The following SPOCK2 variants were observed in gnomAD, a reference collection of about 807,000 sequenced individuals.
SPOCK2 encodes SPARC (osteonectin), cwcv and kazal like domains proteoglycan 2.
In SPOCK2, 39 loss-of-function variants were observed where a neutral mutation model predicts 60.1. That is an observed-to-expected ratio of 0.65 (90% CI 0.50 to 0.85). SPOCK2 has a LOEUF of 0.85. Among genes scored for constraint, SPOCK2 ranks in the 40% least tolerant of loss-of-function variants. The pLI, the probability that SPOCK2 is intolerant of heterozygous loss-of-function variation, is 0.00. For missense variants in SPOCK2, 523 were observed against 567.4 expected, an observed-to-expected ratio of 0.92 and a Z score of 0.80; for synonymous variants, 217 against 231.5, an observed-to-expected ratio of 0.94 and a Z score of 0.57.
Position 72,062,877 on chromosome 10 carries a change from A to C in SPOCK2, c.1158T>G (p.Phe386Leu), listed in dbSNP as rs1840513231. Residue 386 changes from phenylalanine (F) to leucine (L), a missense_variant, in exon 11 of 11, where the codon TTT becomes TTG. Phe to Leu is a conservative substitution (Grantham distance 22). Transcript: ENST00000373109. The surrounding 1 kb of genome is among the most constrained non-coding windows in gnomAD (Gnocchi z 4.3). ...CATCCTCCCAGCCGACACCGCTTCC[A>C]AAGTCCCCCGAGAAGCCCACGATGT... ...CDDIVGFSGDFGSGVGWEDEE... is the reference protein window; with the variant it reads ...CDDIVGFSGDLGSGVGWEDEE... 2.5e-6 allele frequency: 4 copies of C among 1,600,526 alleles called. No individual in the cohort carries two copies. The highest frequency in any genetic ancestry group is 3.4e-6 in the Non-Finnish European group (4 of 1,175,438).
intron 1 of SPOCK2, among the ~76,000 whole-genome samples, chr10:72,076,268 GGT>G (rs1291476804): frequency 6.6e-6 from 1 of 152,198 alleles, no homozygotes; most frequent in Admixed American, 6.5e-5. Flanking sequence ...CCTGAGGCCA[GGT>G]GTGGGCTGGC....
Position 72,065,758 on chromosome 10 carries a change from G to C in SPOCK2, c.928+1144C>G, listed in dbSNP as rs187611833. On this transcript the variant is annotated intron_variant, in intron 8 of 10. Transcript: ENST00000373109. ...AGTGATGCTGGTCGCAGGAGGGCTG[G>C]GCAGTCAGAGTGGTGAAACAGATCA... is the stretch of plus-strand genomic sequence containing the variant. Among the ~76,000 whole-genome samples, 418 of 152,336 alleles carry C rather than the reference G, an allele frequency of 2.7e-3. 1 individual carries two copies. Among genetic ancestry groups the C allele is most frequent in the Non-Finnish European group, 4.7e-3 (317 of 68,028 alleles).
At position 72,061,957 on chromosome 10, in the gene SPOCK2, TG is replaced by T. The variant is rs1840496926; in HGVS notation, c.*802del. On this transcript the variant is annotated 3_prime_UTR_variant, in exon 11 of 11. Transcript: ENST00000373109. ...TTCTACCTGCACCACCTGGGCCACC[TG>T]GGACAGACCTCAGACAGCTTGGCGA... 1 of 153,328 alleles carries T rather than the reference TG, an allele frequency of 6.5e-6. No homozygotes were observed. The highest frequency in any genetic ancestry group is 2.4e-5 in the African/African-American group (1 of 41,476). 9.5% of individuals were successfully genotyped at this position (153,328 alleles called of 1,614,324 possible). A position where few individuals can be genotyped will look rare whatever the true frequency, so the allele number is the denominator to read the frequency against.
intron 6 of SPOCK2, among the ~76,000 whole-genome samples, 188 bp downstream of exon 6, chr10:72,067,999 C>T (rs896309727): frequency 6.6e-6 from 1 of 152,114 alleles, no homozygotes; most frequent in Non-Finnish European, 1.5e-5. Context: ...AGGGGAGAAA[C>T]GAGGGCTGAG....
At position 72,072,202 on chromosome 10, in the gene SPOCK2, A is replaced by G; in HGVS notation, c.301T>C (p.Cys101Arg). 1 of 1,562,182 alleles carries G rather than the reference A, an allele frequency of 6.4e-7. No individual in the cohort carries two copies. The highest frequency in any genetic ancestry group is 8.7e-7 in the Non-Finnish European group (1 of 1,153,338). ...GCCCGCTGGTAGCCCTGGGCAATGC[A>G]CACCTTGTGGCGGCTGCACTTCACC... is the stretch of plus-strand genomic sequence containing the variant. ...QKVKCSRHKV[C>R]IAQGYQRAMC... The change falls in exon 4 of 11, where the codon TGC becomes CGC. Residue 101 changes from cysteine to arginine, a missense_variant. Coordinates refer to ENST00000373109, the MANE Select transcript of SPOCK2 (RefSeq NM_001244950.2).
At chr10:72,073,027 G>T (rs1840670380) in intron 1 of SPOCK2, 117 bp from the exon 2 acceptor site, 4 of 1,438,104 alleles carry the variant, frequency 2.8e-6, no homozygotes, top group Non-Finnish European at 3.8e-6. Flanking sequence ...GCCTCATCAT[G>T]TGGCCGAGCA....
At chr10:72,072,015 T>A (rs1174757011) in intron 4 of SPOCK2, 129 bp downstream of exon 4, 1 of 669,744 alleles carries the variant, frequency 1.5e-6, no homozygotes, top group Admixed American at 3.7e-5. Context: ...ACATATTTGC[T>A]GTTTTAAGCA....
rs1397869052 is a variant in SPOCK2, at chr10:72,066,993, C to T, written c.837G>A (p.Glu279=). Residue 279 remains glutamate, a synonymous_variant, in exon 8 of 11, where the codon GAG becomes GAA. Coordinates refer to ENST00000373109, the MANE Select transcript of SPOCK2 (RefSeq NM_001244950.2). The part of the protein sequence containing the change: ...ELAAINLDKY[E]VCIRPFFNSC... Reference sequence around the variant, plus strand: ...AGTTGAAGAAGGGACGGATGCAGACCTCGTACTTGTCCAGGTTGATGGCGG... The same window carrying T: ...AGTTGAAGAAGGGACGGATGCAGACTTCGTACTTGTCCAGGTTGATGGCGG... The T allele has an allele frequency of 1.9e-5, 31 of 1,614,070 alleles. No homozygotes were observed. Among genetic ancestry groups the T allele is most frequent in the Non-Finnish European group, 2.0e-5 (24 of 1,180,040 alleles).
Position 72,088,307 on chromosome 10 carries a change from G to T in SPOCK2, c.22C>A (p.Arg8=), listed in dbSNP as rs748167545. ...AGGAGCAGCAGCGGCAGCACCAGCC[G>T]CCCGCAGCCCGGGGCGCGCATCGTG... The part of the protein sequence containing the change: MRAPGCG[R]LVLPLLLLAA... Residue 8 remains arginine (R), a synonymous_variant, in exon 1 of 11, where the codon CGG becomes AGG. Coordinates refer to ENST00000373109, the MANE Select transcript of SPOCK2 (RefSeq NM_001244950.2). 6.3e-7 allele frequency: 1 copy of T among 1,586,996 alleles called. No individual in the cohort carries two copies. Among genetic ancestry groups the T allele is most frequent in the Non-Finnish European group, 8.6e-7 (1 of 1,168,972 alleles).
rs1301331163 is a variant in SPOCK2 at position 72,072,895 on chromosome 10, T to C, written c.198+7A>G. On this transcript the variant is annotated splice_region_variant and intron_variant, in intron 2 of 10. Transcript: ENST00000373109. ...CCACACAGAGTGGGGTCCTGGGCAG[T>C]ACTCACCTCCACTTCCTGGAGATCA... 7.7e-6 allele frequency: 12 copies of C among 1,554,452 alleles called. No homozygotes were observed. Among genetic ancestry groups the C allele is most frequent in the Non-Finnish European group, 1.0e-5 (12 of 1,148,616 alleles).
chr10:72,063,730 A>G (rs1239199878), intron 9 of SPOCK2, among the ~76,000 whole-genome samples: 1 of 152,306 alleles, frequency 6.6e-6, no homozygotes, highest in East Asian at 1.9e-4. Flanking sequence ...TTATGAGGCC[A>G]GGGAGTGCAT....
rs1840654671 is a variant in SPOCK2 at position 72,072,140 on chromosome 10, T to A, written c.359+4A>T. On this transcript the variant is annotated splice_donor_region_variant and intron_variant, in intron 4 of 10. Coordinates refer to ENST00000373109, the MANE Select transcript of SPOCK2 (RefSeq NM_001244950.2). ...CAGGGCTCCCACCTCCCCAAACCTC[T>A]CACCTGTGCTCCAGCTTCTTGCGAC... 6.7e-7 allele frequency: 1 copy of A among 1,500,452 alleles called. No homozygotes were observed. The highest frequency in any genetic ancestry group is 2.4e-5 in the Admixed American group (1 of 42,404). 92.9% of individuals were successfully genotyped at this position (1,500,452 alleles called of 1,614,324 possible).
Position 72,062,784 on chromosome 10 carries a change from AGCCTCGCCT to A in SPOCK2, c.1242_1250del (p.Gly415_Ala417del). The A allele has an allele frequency of 6.2e-7, 1 of 1,607,678 alleles. No individual in the cohort carries two copies. Reference sequence around the variant, plus strand: ...TCTACCAGATGTAGCCCCCGTCGTCAGCCTCGCCTGCCTCGCCCTCCTCCTCCTCGGCCT... The same window carrying A: ...TCTACCAGATGTAGCCCCCGTCGTCAGCCTCGCCCTCCTCCTCCTCGGCCT... On this transcript the variant is annotated inframe_deletion, in exon 11 of 11. Transcript: ENST00000373109. This position sits in a 1 kb window ranked among gnomAD's most constrained non-coding sequence, Gnocchi z 4.3.
intron 1 of SPOCK2, 79 bp downstream of exon 1, chr10:72,088,061 G>T: frequency 6.5e-7 from 1 of 1,542,366 alleles, no homozygotes; most frequent in African/African-American, 1.4e-5. Context: ...GACGTGCGGC[G>T]GCCGCTCCCG....
rs886313011 is a variant in SPOCK2 at position 72,062,687 on chromosome 10, G to A, written c.*73C>T. ...TCCTTCTGACTGCATTTCTGGATCC[G>A]TTCTCGAAGTTGCCTGCTGCTGCTC... On this transcript the variant is annotated 3_prime_UTR_variant, in exon 11 of 11. Coordinates refer to ENST00000373109, the MANE Select transcript of SPOCK2 (RefSeq NM_001244950.2). This position sits in a 1 kb window ranked among gnomAD's most constrained non-coding sequence, Gnocchi z 4.3. The A allele has an allele frequency of 3.1e-5, 47 of 1,535,816 alleles. No homozygotes were observed. Among genetic ancestry groups the A allele is most frequent in the East Asian group, 1.1e-4 (5 of 44,334 alleles).
chr10:72,065,028 C>CTATGTTTAGATGCACAAATG, intron 8 of SPOCK2, among the ~76,000 whole-genome samples: 1 of 113,306 alleles, frequency 8.8e-6, no homozygotes, highest in Non-Finnish European at 2.1e-5. Context: ...CCGCGCCCAG[C>CTATGTTTAGATGCACAAATG]CTTATTTTAT....
At chr10:72,069,840 A>G (rs1046353963) in intron 5 of SPOCK2, among the ~76,000 whole-genome samples, 2 of 152,088 alleles carry the variant, frequency 1.3e-5, no homozygotes, top group East Asian at 1.9e-4. Context: ...CATTCTCCCA[A>G]TCGGTTCCTT....
rs779124545 is a variant in SPOCK2, at chr10:72,064,178, C to G, written c.991G>C (p.Gly331Arg). 1 of 1,612,284 alleles carries G rather than the reference C, an allele frequency of 6.2e-7. No individual in the cohort carries two copies. Among genetic ancestry groups the G allele is most frequent in the Admixed American group, 1.7e-5 (1 of 59,890 alleles). Residue 331 changes from glycine to arginine, a missense_variant and splice_region_variant, in exon 9 of 11, where the codon GGC (glycine) becomes CGC (arginine). Physicochemically the swap from Gly to Arg is moderately radical, Grantham distance 125. Coordinates refer to ENST00000373109, the MANE Select transcript of SPOCK2 (RefSeq NM_001244950.2). ...QIQEAAKKKP[G>R]IFIPSCDEDG... The stretch of plus-strand genomic sequence containing the variant: ...CTGAGAGCCTGGTCTGGCCCCTCAC[C>G]TGGCTTCTTCTTGGCGGCCTCCTGG...
At chr10:72,073,488 G>A (rs1840676098) in intron 1 of SPOCK2, among the ~76,000 whole-genome samples, 1 of 152,202 alleles carries the variant, frequency 6.6e-6, no homozygotes, top group African/African-American at 2.4e-5. Flanking sequence ...TGCCTGTGAT[G>A]AGGCTTGCCC....
Sources: gnomAD v4.1 joint callset for allele counts (sites outside exome capture counted in the v4.1 genomes callset) on GRCh38, gnomAD v4.1.1 for gene constraint, Gnocchi (gnomAD v3.1) non-coding constraint, MANE v1.5 for transcripts, NCBI Gene and HGNC (gene_info 2026-07-23, HGNC 2026-07-21) for gene names.